WFDC6: variants seen among roughly 807,000 people sequenced by gnomAD.
WFDC6 encodes the protein WAP four-disulfide core domain protein 6.
Under a neutral mutation model 8.2 loss-of-function variants are expected in WFDC6, and 10 were observed. The observed-to-expected ratio is 1.22, with a 90% CI of 0.75 to 2.07. The LOEUF is 2.07. WFDC6 is among the 30% of genes most tolerant of loss of function. WFDC6 has a pLI of 0.00. For missense variants in WFDC6, 105 were observed against 104.9 expected (o/e 1.00, Z 0.00); for synonymous variants, 28 against 37.0 (o/e 0.76, Z 0.88).
chr20:45,535,703 A>G (rs971767834), intron 2 of WFDC6, among the ~76,000 whole-genome samples: 7 of 152,178 alleles, frequency 4.6e-5, no homozygotes, highest in African/African-American at 1.7e-4. Flanking sequence ...AAGCATAATT[A>G]TCTTTTGCAA....
chr20:45,537,997 G>C lies in WFDC6; in HGVS notation c.189C>G (p.Phe63Leu). Residue 63 changes from phenylalanine (F) to leucine (L), a missense_variant, in exon 2 of 3, where the codon TTC becomes TTG. Transcript: ENST00000372670. ...DCPENMKCCPFSRGKKCLDFR... is the reference protein window; with the variant it reads ...DCPENMKCCPLSRGKKCLDFR... ...AGTCTAAACATTTCTTTCCACGGCT[G>C]AACGGGCAACACTTCATGTTTTCTG... 6.2e-7 allele frequency: 1 copy of C among 1,614,020 alleles called. No homozygotes were observed.
intron 2 of WFDC6, chr20:45,535,458 C>A: frequency 1.9e-6 from 2 of 1,048,644 alleles, no homozygotes; most frequent in Non-Finnish European, 2.4e-6. Context: ...GGCTCTGTTC[C>A]CAATTCAGTG....
At chr20:45,535,549 C>T (rs182938036) in intron 2 of WFDC6, among the ~76,000 whole-genome samples, 56 of 152,296 alleles carry the variant, frequency 3.7e-4, no homozygotes, top group African/African-American at 1.3e-3. Flanking sequence ...CCAACCTGCT[C>T]GCCTAACAGG....
At chr20:45,538,172 C>T in intron 1 of WFDC6, 78 bp from the exon 2 acceptor site, 1 of 1,602,810 alleles carries the variant, frequency 6.2e-7, no homozygotes, top group South Asian at 1.1e-5. Context: ...GGGCACCCCT[C>T]CAGAGTTAGA....
At chr20:45,537,553 A>G (rs150431338) in intron 2 of WFDC6, 29 of 1,550,000 alleles carry the variant, frequency 1.9e-5, no homozygotes, top group Non-Finnish European at 2.2e-5. Context: ...AGAGAGGCCT[A>G]GAGAAAAAAG....
rs542100338 is a variant in WFDC6 at position 45,535,148 on chromosome 20, C to T, written c.223-643G>A. The T allele has an allele frequency of 7.7e-6, 10 of 1,301,672 alleles. 1 individual carries two copies. The South Asian group carries it at 1.2e-4, about 16-fold the overall frequency. The allele number at this position is 1,301,672 out of a possible 1,614,324, so 80.6% of individuals were successfully genotyped here. A position where few individuals can be genotyped will look rare whatever the true frequency, so the allele number is the denominator to read the frequency against. On this transcript the variant is annotated intron_variant, in intron 2 of 2. Coordinates refer to ENST00000372670, the MANE Select transcript of WFDC6 (RefSeq NM_080827.2). Reference sequence around the variant, plus strand: ...CTTGGTGAGCACAGGAGACCGGGACCTCTGGGACTTATGGTATTTTTTGCA... The same window carrying T: ...CTTGGTGAGCACAGGAGACCGGGACTTCTGGGACTTATGGTATTTTTTGCA...
chr20:45,534,681 A>G (rs2145540865), intron 2 of WFDC6, among the ~76,000 whole-genome samples, 176 bp from the exon 3 acceptor site: 1 of 152,334 alleles, frequency 6.6e-6, no homozygotes, highest in East Asian at 1.9e-4. Flanking sequence ...TGTCCAGTAG[A>G]GTCCCAGTTT....
At chr20:45,537,438 G>C (rs748745253) in intron 2 of WFDC6, 3 of 1,221,284 alleles carry the variant, frequency 2.5e-6, no homozygotes, top group Non-Finnish European at 3.5e-6. Flanking sequence ...TAGAATGAAC[G>C]AATGGTCCTT....
rs917068174 is a variant in WFDC6, at chr20:45,534,455, A to C, written c.*12T>G. On this transcript the variant is annotated 3_prime_UTR_variant, in exon 3 of 3. Transcript: ENST00000372670. ...TGGAGAGAGGCCTGGATTATGAGCC[A>C]AATCCTGGAGGTTATTCAAGCTCCT... 2 of 1,613,924 alleles carry C rather than the reference A, an allele frequency of 1.2e-6. No individual in the cohort carries two copies. Among genetic ancestry groups the C allele is most frequent in the Admixed American group, 1.7e-5 (1 of 60,010 alleles).
intron 1 of WFDC6, among the ~76,000 whole-genome samples, chr20:45,539,018 G>C (rs1464409798): frequency 6.6e-6 from 1 of 152,092 alleles, no homozygotes; most frequent in African/African-American, 2.4e-5. Flanking sequence ...TGTTTTTCTT[G>C]TGGGAGACTT....
In WFDC6 at chr20:45,539,189, C is replaced by T. The variant is rs879861870; in HGVS notation, c.91+128G>A. ...TACCAAGAGACTTCAAATAGCTCCC[C>T]TCTTTCCCACCTGGAATTCCAGGCA... On this transcript the variant is annotated intron_variant, in intron 1 of 2. Transcript: ENST00000372670. The T allele has an allele frequency of 3.3e-6, 3 of 905,850 alleles. 1 individual carries two copies. Among genetic ancestry groups the T allele is most frequent in the Admixed American group, 4.3e-5 (2 of 46,442 alleles). 56.1% of individuals were successfully genotyped at this position (905,850 alleles called of 1,614,324 possible).
intron 2 of WFDC6, among the ~76,000 whole-genome samples, chr20:45,534,888 G>A (rs1377189874): frequency 6.6e-6 from 1 of 152,176 alleles, no homozygotes; most frequent in Non-Finnish European, 1.5e-5. Flanking sequence ...GGCTGGGCTG[G>A]GTTTACCGGG....
chr20:45,537,574 C>G, intron 2 of WFDC6: 1 of 1,548,896 alleles, frequency 6.5e-7, no homozygotes, highest in East Asian at 2.4e-5. Flanking sequence ...CCAGGAAATA[C>G]AGATTATATA....
intron 1 of WFDC6, among the ~76,000 whole-genome samples, 178 bp from the exon 2 acceptor site, chr20:45,538,272 A>G (rs947698405): frequency 3.9e-5 from 6 of 152,116 alleles, no homozygotes; most frequent in Admixed American, 2.0e-4. Context: ...CCCCAACCCC[A>G]TAACAACTCA....
chr20:45,534,570 C>A (rs2206446), intron 2 of WFDC6, 65 bp from the exon 3 acceptor site: 3 of 1,574,562 alleles, frequency 1.9e-6, no homozygotes, highest in East Asian at 4.5e-5. Flanking sequence ...CCAAATCTTG[C>A]ACCTAATGGG....
In WFDC6 at chr20:45,534,904, G is replaced by A. The variant is rs534163585; in HGVS notation, c.223-399C>T. 5.9e-5 allele frequency among the ~76,000 whole-genome samples: 9 copies of A among 152,318 alleles called. No homozygotes were observed. The South Asian group carries it at 1.5e-3, about 25-fold the overall frequency. On this transcript the variant is annotated intron_variant, in intron 2 of 2. Coordinates refer to ENST00000372670, the MANE Select transcript of WFDC6 (RefSeq NM_080827.2). ...GCTGGGCTGGGTTTACCGGGCTTCCGTCTGACCTGGTCTGGGATACTCCAC... is the reference window on the plus strand; with the variant it reads ...GCTGGGCTGGGTTTACCGGGCTTCCATCTGACCTGGTCTGGGATACTCCAC...
intron 2 of WFDC6, chr20:45,535,132 C>A: frequency 7.7e-7 from 1 of 1,293,778 alleles, no homozygotes; most frequent in Non-Finnish European, 1.0e-6. Context: ...CCTTGGTGAG[C>A]ACAGGAGACC....
chr20:45,534,541 A>AGATGTGGT (rs1979292649), intron 2 of WFDC6, 36 bp from the exon 3 acceptor site: 1 of 1,611,304 alleles, frequency 6.2e-7, no homozygotes, highest in Admixed American at 1.7e-5. Flanking sequence ...AGATGCTTGG[A>AGATGTGGT]CCCTGACCAC....
chr20:45,537,327 G>T, intron 2 of WFDC6: 2 of 601,020 alleles, frequency 3.3e-6, no homozygotes, highest in South Asian at 4.1e-5. Flanking sequence ...TTAAATCATG[G>T]ATCTCTTTCC....
Sources: gnomAD v4.1 joint callset for allele counts (sites outside exome capture counted in the v4.1 genomes callset) on GRCh38, gnomAD v4.1.1 for gene constraint, MANE v1.5 for transcripts, NCBI Gene and HGNC (gene_info 2026-07-23, HGNC 2026-07-21) for gene names.